Variants in CEP128 observed in about 807,000 individuals in gnomAD.
The protein encoded by CEP128 is centrosomal protein 128kDa.
Under a neutral mutation model 156.7 loss-of-function variants are expected in CEP128, and 132 were observed. The observed-to-expected ratio is 0.84, with a 90% CI of 0.73 to 0.97. CEP128 has a LOEUF of 0.97. Ranked by LOEUF, CEP128 falls within the 50% of genes least tolerant of loss-of-function variation. The pLI is 0.00. For missense variants in CEP128, 1,252 were observed against 1,281.9 expected (o/e 0.98, Z 0.36); for synonymous variants, 469 against 448.9 (o/e 1.04, Z -0.57).
At chr14:80,569,742 A>G (rs1330466791) in intron 20 of CEP128, among the ~76,000 whole-genome samples, 2 of 152,228 alleles carry the variant, frequency 1.3e-5, no homozygotes, top group Non-Finnish European at 2.9e-5. Flanking sequence ...TTATAGGCCC[A>G]TGAACTGAAA....
At chr14:80,884,339 A>T (rs140818526) in intron 8 of CEP128, among the ~76,000 whole-genome samples, 42 of 152,302 alleles carry the variant, frequency 2.8e-4, no homozygotes, top group African/African-American at 8.7e-4. Flanking sequence ...CTGACAAGGG[A>T]TTAATAACCA....
intron 18 of CEP128, among the ~76,000 whole-genome samples, chr14:80,749,123 C>G (rs1037678736): frequency 1.4e-4 from 22 of 152,106 alleles, no homozygotes; most frequent in African/African-American, 4.6e-4. Flanking sequence ...CACCTCCAGG[C>G]AGTTCAGCAC....
chr14:80,627,979 A>G (rs1893803356), intron 19 of CEP128, among the ~76,000 whole-genome samples: 1 of 152,140 alleles, frequency 6.6e-6, no homozygotes, highest in Non-Finnish European at 1.5e-5. Flanking sequence ...TGTGTGTATA[A>G]AACAGTTTGA....
At chr14:80,766,357 C>G (rs1447211696) in intron 16 of CEP128, among the ~76,000 whole-genome samples, 4 of 152,128 alleles carry the variant, frequency 2.6e-5, no homozygotes, top group South Asian at 2.1e-4. Flanking sequence ...ATTCTGTTAA[C>G]TGGTTTGATG....
chr14:80,596,938 T>A (rs1172630169), intron 19 of CEP128, among the ~76,000 whole-genome samples: 1 of 149,794 alleles, frequency 6.7e-6, no homozygotes, highest in Non-Finnish European at 1.5e-5. Flanking sequence ...GAGGAAAATT[T>A]ATGAAACTAA....
At chr14:80,486,993 T>A (rs917728522), downstream of CEP128, among the ~76,000 whole-genome samples, 33 of 152,184 alleles carry the variant, frequency 2.2e-4, no homozygotes, top group African/African-American at 7.7e-4. Context: ...CCAGCTAACA[T>A]CATAATGACA....
At chr14:80,954,091 A>G (rs1202203169) in intron 2 of CEP128, among the ~76,000 whole-genome samples, 1 of 152,012 alleles carries the variant, frequency 6.6e-6, no homozygotes, top group Non-Finnish European at 1.5e-5. Context: ...AACACAGTGA[A>G]ACCCCGTCTC....
chr14:80,522,484 T>C (rs1168739833), intron 23 of CEP128, among the ~76,000 whole-genome samples: 1 of 152,226 alleles, frequency 6.6e-6, no homozygotes, highest in Non-Finnish European at 1.5e-5. Flanking sequence ...AAAACATCTG[T>C]TTGTTTAAAA....
chr14:80,766,670 G>A (rs1047082503), intron 16 of CEP128, among the ~76,000 whole-genome samples: 9 of 151,968 alleles, frequency 5.9e-5, no homozygotes, highest in Admixed American at 1.3e-4. Flanking sequence ...GAAATATTAC[G>A]TTAAATAAAG....
At chr14:80,694,542 C>T (rs1896823530) in intron 19 of CEP128, among the ~76,000 whole-genome samples, 1 of 152,158 alleles carries the variant, frequency 6.6e-6, no homozygotes, top group South Asian at 2.1e-4. Flanking sequence ...AAATGTGGCA[C>T]ATATACACCA....
At position 80,845,281 on chromosome 14, in the gene CEP128, T is replaced by C. The variant is rs149491185; in HGVS notation, c.763-4513A>G. 9.2e-4 allele frequency among the ~76,000 whole-genome samples: 140 copies of C among 152,302 alleles called. 1 individual carries two copies. Among genetic ancestry groups the C allele is most frequent in the African/African-American group, 3.3e-3 (136 of 41,576 alleles). ...AAAGCAACAATGGTAATGAGTATTA[T>C]TCCCTAACATGCCATTGCTTTTACT... On this transcript the variant is annotated intron_variant, in intron 9 of 24. Transcript: ENST00000555265.
intron 4 of CEP128, among the ~76,000 whole-genome samples, chr14:80,913,373 T>C (rs748006109): frequency 3.3e-5 from 5 of 152,240 alleles, no homozygotes; most frequent in South Asian, 2.1e-4. Flanking sequence ...GAAAGTGATA[T>C]ACATTATTAA....
At chr14:80,673,856 T>C (rs1404595941) in intron 19 of CEP128, among the ~76,000 whole-genome samples, 1 of 151,660 alleles carries the variant, frequency 6.6e-6, no homozygotes, top group Non-Finnish European at 1.5e-5. Flanking sequence ...CAACAATTAA[T>C]TAATTCAAGA....
At chr14:80,912,174 G>A (rs1043755942) in intron 4 of CEP128, among the ~76,000 whole-genome samples, 8 of 150,150 alleles carry the variant, frequency 5.3e-5, no homozygotes, top group Non-Finnish European at 1.2e-4. Context: ...CTGAGATCGC[G>A]CCACTGCATT....
At chr14:80,793,457 G>A (rs1041515679) in intron 13 of CEP128, among the ~76,000 whole-genome samples, 4 of 152,072 alleles carry the variant, frequency 2.6e-5, no homozygotes, top group Admixed American at 6.6e-5. Flanking sequence ...AAGAAATATC[G>A]ATGTTTTAAA....
intron 19 of CEP128, among the ~76,000 whole-genome samples, chr14:80,656,387 T>C (rs1303651092): frequency 1.1e-4 from 15 of 141,598 alleles, no homozygotes; most frequent in African/African-American, 3.8e-4. Context: ...CCCCCTGCTT[T>C]CAACATTCTT....
At position 80,836,291 on chromosome 14, in the gene CEP128, T is replaced by C; in HGVS notation, c.971A>G (p.Lys324Arg). The change falls in exon 12 of 25, where the codon AAG (lysine) becomes AGG (arginine). Residue 324 changes from lysine to arginine, a missense_variant. Physicochemically the swap from Lys to Arg is conservative, Grantham distance 26. Coordinates refer to ENST00000555265, the MANE Select transcript of CEP128 (RefSeq NM_152446.5). The stretch of plus-strand genomic sequence containing the variant: ...CTGAGATACTTGATGCTGTAAACCC[T>C]TTCGATCACCTTCTGCTTTCGTAAG... Reference protein sequence around the residue: ...TQLTKAEGDRKGLQHQVSQIS... With the variant: ...TQLTKAEGDRRGLQHQVSQIS... 6.2e-7 allele frequency: 1 copy of C among 1,614,080 alleles called. No individual in the cohort carries two copies. Among genetic ancestry groups the C allele is most frequent in the Non-Finnish European group, 8.5e-7 (1 of 1,179,976 alleles).
At chr14:80,653,426 C>T (rs1191984483) in intron 19 of CEP128, among the ~76,000 whole-genome samples, 1 of 152,044 alleles carries the variant, frequency 6.6e-6, no homozygotes, top group East Asian at 1.9e-4. Context: ...AGGTGAAGAT[C>T]AAGTACCAAT....
At chr14:80,656,255 T>G (rs1895130491) in intron 19 of CEP128, among the ~76,000 whole-genome samples, 1 of 116,242 alleles carries the variant, frequency 8.6e-6, no homozygotes, top group Non-Finnish European at 1.7e-5. Context: ...CCTCAAGTAT[T>G]TCTCAATAAA....
Sources: gnomAD v4.1 joint callset for allele counts (sites outside exome capture counted in the v4.1 genomes callset) on GRCh38, gnomAD v4.1.1 for gene constraint, MANE v1.5 for transcripts, NCBI Gene and HGNC (gene_info 2026-07-23, HGNC 2026-07-21) for gene names.